Variants in EML6 observed in about 807,000 individuals in gnomAD.
EML6 encodes the protein EMAP like 6.
Under a neutral mutation model 240.1 loss-of-function variants are expected in EML6, and 154 were observed. That is an observed-to-expected ratio of 0.64 (90% CI 0.56 to 0.73). EML6 has a LOEUF of 0.73. Ranked by LOEUF, EML6 falls within the 30% of genes least tolerant of loss-of-function variation. The pLI, the probability that EML6 is intolerant of heterozygous loss-of-function variation, is 0.00. For synonymous variants in EML6, 1,148 were observed against 899.0 expected, an observed-to-expected ratio of 1.28 and a Z score of -4.95; for missense variants, 2,964 against 2,474.6, an observed-to-expected ratio of 1.20 and a Z score of -4.20.
intron 2 of EML6, among the ~76,000 whole-genome samples, chr2:54,772,925 A>C (rs1668458186): frequency 1.3e-5 from 2 of 152,238 alleles, no homozygotes; most frequent in South Asian, 4.1e-4. Context: ...CTTGGAACCA[A>C]ATACTTCTCA....
intron 2 of EML6, among the ~76,000 whole-genome samples, chr2:54,811,143 T>G (rs1667822718): frequency 6.6e-6 from 1 of 152,166 alleles, no homozygotes; most frequent in Non-Finnish European, 1.5e-5. Context: ...GGTCCCTAAC[T>G]GACCACCTTG....
At chr2:54,965,648 C>T (rs1334804337) in intron 38 of EML6, among the ~76,000 whole-genome samples, 3 of 152,112 alleles carry the variant, frequency 2.0e-5, no homozygotes, top group South Asian at 4.2e-4. Context: ...GGAGTTGAAG[C>T]TGTCTTCCTG....
In EML6 at chr2:54,725,018, C is replaced by A; in HGVS notation, c.-44C>A. 1 of 1,452,896 alleles carries A rather than the reference C, an allele frequency of 6.9e-7. No homozygotes were observed. The allele number at this position is 1,452,896 out of a possible 1,614,324, so 90.0% of individuals were successfully genotyped here. A position where few individuals can be genotyped will look rare whatever the true frequency, so the allele number is the denominator to read the frequency against. Reference sequence around the variant, plus strand: ...GCAGCCCCAGCCTCGGCGAGGACGGCCCCGGCGCGCGGGGGGGCGGGGGGC... The same window carrying A: ...GCAGCCCCAGCCTCGGCGAGGACGGACCCGGCGCGCGGGGGGGCGGGGGGC... On this transcript the variant is annotated 5_prime_UTR_variant, in exon 2 of 42. Transcript: ENST00000356458. This position sits in a 1 kb window ranked among gnomAD's most constrained non-coding sequence, Gnocchi z 4.3.
At chr2:54,777,345 T>C (rs981247745) in intron 2 of EML6, among the ~76,000 whole-genome samples, 1 of 152,222 alleles carries the variant, frequency 6.6e-6, no homozygotes, top group Non-Finnish European at 1.5e-5. Flanking sequence ...TATCATTTAG[T>C]TGAGCGTCCT....
chr2:54,730,528 C>G (rs775762291), intron 2 of EML6, among the ~76,000 whole-genome samples: 5 of 152,168 alleles, frequency 3.3e-5, no homozygotes, highest in Non-Finnish European at 7.4e-5. Context: ...TTCTCCCACC[C>G]TCAACACTGA....
intron 2 of EML6, among the ~76,000 whole-genome samples, chr2:54,782,275 C>T (rs983405694): frequency 2.0e-5 from 3 of 151,986 alleles, no homozygotes; most frequent in African/African-American, 7.3e-5. Context: ...TAAACAAAAC[C>T]TTTAAAAATA....
chr2:54,895,525 C>T, intron 21 of EML6, 125 bp downstream of exon 21: 1 of 852,372 alleles, frequency 1.2e-6, no homozygotes, highest in South Asian at 1.8e-5. Context: ...AAGAGTTGAA[C>T]TAGTTACCTA....
At chr2:54,885,114 G>A (rs544420548) in intron 17 of EML6, among the ~76,000 whole-genome samples, 110 of 152,142 alleles carry the variant, frequency 7.2e-4, no homozygotes, top group Non-Finnish European at 1.1e-3. Context: ...CCCAGATTGC[G>A]CCACTGCACT....
intron 35 of EML6, among the ~76,000 whole-genome samples, chr2:54,960,660 T>C (rs1676454826): frequency 6.6e-6 from 1 of 152,202 alleles, no homozygotes; most frequent in South Asian, 2.1e-4. Context: ...TAGCTACTAG[T>C]ATTATAGATG....
chr2:54,828,486 G>C (rs1037212647), intron 6 of EML6, among the ~76,000 whole-genome samples: 4 of 152,190 alleles, frequency 2.6e-5, no homozygotes, highest in African/African-American at 9.6e-5. Context: ...TATTGGAAAT[G>C]GTAAGCCTTT....
At chr2:54,948,150 CGTA>C (rs1046143171) in intron 28 of EML6, among the ~76,000 whole-genome samples, 12 of 152,164 alleles carry the variant, frequency 7.9e-5, no homozygotes, top group African/African-American at 2.9e-4. Flanking sequence ...CAAGAACTGG[CGTA>C]CTCCTCTAGG....
intron 28 of EML6, among the ~76,000 whole-genome samples, chr2:54,948,101 A>T (rs1054975718): frequency 6.6e-6 from 1 of 152,168 alleles, no homozygotes; most frequent in African/African-American, 2.4e-5. Flanking sequence ...TTCTCGACCC[A>T]TCCATAGAGA....
intron 25 of EML6, among the ~76,000 whole-genome samples, chr2:54,911,582 A>G (rs1381398405): frequency 1.3e-5 from 2 of 152,082 alleles, no homozygotes; most frequent in African/African-American, 4.8e-5. Flanking sequence ...GGCATCTGCC[A>G]CCACACCCAG....
At chr2:54,930,138 C>G (rs746008499) in intron 28 of EML6, among the ~76,000 whole-genome samples, 2 of 152,122 alleles carry the variant, frequency 1.3e-5, no homozygotes, top group African/African-American at 2.4e-5. Context: ...GTTTCACATA[C>G]CATTATGAAA....
chr2:54,802,189 A>G (rs1423912236), intron 2 of EML6, among the ~76,000 whole-genome samples: 1 of 152,204 alleles, frequency 6.6e-6, no homozygotes, highest in East Asian at 1.9e-4. Context: ...TGATGGCAGA[A>G]TTTTAAAACA....
chr2:54,858,679 C>A (rs1215885595), intron 11 of EML6, among the ~76,000 whole-genome samples: 1 of 152,186 alleles, frequency 6.6e-6, no homozygotes, highest in Non-Finnish European at 1.5e-5. Flanking sequence ...CTGGTCAGAG[C>A]ATGCTCTCAA....
At position 54,970,350 on chromosome 2, in the gene EML6, ATACATACTAAC is replaced by A; in HGVS notation, c.*261_*271del. The A allele has an allele frequency of 2.0e-6, 1 of 510,380 alleles. No homozygotes were observed. Among genetic ancestry groups the A allele is most frequent in the East Asian group, 3.1e-5 (1 of 32,372 alleles). 31.6% of individuals were successfully genotyped at this position (510,380 alleles called of 1,614,324 possible). On this transcript the variant is annotated 3_prime_UTR_variant, in exon 42 of 42. Transcript: ENST00000356458. ...GCCTCTGTTCCTGAGACTAAACAGT[ATACATACTAAC>A]TACATTGACAAAGAAATCCTATCTG...
intron 4 of EML6, among the ~76,000 whole-genome samples, chr2:54,818,607 T>C (rs1668185224): frequency 6.6e-6 from 1 of 152,250 alleles, no homozygotes; most frequent in African/African-American, 2.4e-5. Flanking sequence ...GTTTGCTCAA[T>C]TCAACTCTGT....
intron 28 of EML6, among the ~76,000 whole-genome samples, chr2:54,942,824 C>G (rs1430145498): frequency 6.6e-6 from 1 of 152,168 alleles, no homozygotes; most frequent in African/African-American, 2.4e-5. Flanking sequence ...CCGGGTACAC[C>G]TGATCTTCAT....
Sources: allele counts gnomAD v4.1 joint callset (sites outside exome capture counted in the v4.1 genomes callset), GRCh38; gene constraint gnomAD v4.1.1; non-coding constraint Gnocchi (gnomAD v3.1); transcripts MANE v1.5; gene names NCBI Gene and HGNC (gene_info 2026-07-23, HGNC 2026-07-21).